The following NKAIN2 variants were observed in gnomAD, a reference collection of about 807,000 sequenced individuals.
NKAIN2 encodes the protein sodium/potassium-transporting ATPase subunit beta-1-interacting protein 2.
A neutral mutation model predicts 32.6 loss-of-function variants in NKAIN2; 14 were observed. That is an observed-to-expected ratio of 0.43 (90% confidence interval 0.28 to 0.67). The LOEUF (loss-of-function observed/expected upper bound fraction) is 0.67. NKAIN2 is among the 30% of genes least tolerant of loss of function. The probability of loss-of-function intolerance (pLI) is 0.17; values close to 1 mark genes in which losing one functional copy is unlikely to be tolerated. For synonymous variants in NKAIN2, 80 were observed against 87.2 expected (o/e 0.92, Z 0.46); for missense variants, 198 against 258.3 (o/e 0.77, Z 1.60).
intron 3 of NKAIN2, among the ~76,000 whole-genome samples, chr6:124,379,145 G>GA (rs1800129117): frequency 2.8e-5 from 1 of 35,390 alleles, no homozygotes; most frequent in East Asian, 9.6e-4. Context: ...GGGGAGGGGA[G>GA]GGAGGGAGGG....
chr6:124,028,868 CATATATGTATATATATGTGTATAT>C (rs1562317333), intron 1 of NKAIN2, among the ~76,000 whole-genome samples: 2 of 34,976 alleles, frequency 5.7e-5, no homozygotes, highest in African/African-American at 1.8e-4. Context: ...TATATATACA[CATATATGTATATATATGTGTATAT>C]ATATATATAT....
chr6:124,123,335 GACA>G (rs1382042806), intron 1 of NKAIN2, among the ~76,000 whole-genome samples: 1 of 152,018 alleles, frequency 6.6e-6, no homozygotes, highest in African/African-American at 2.4e-5. Context: ...AGGAGCTTAG[GACA>G]ACATGATTAC....
At chr6:124,352,532 C>T (rs554568230) in intron 2 of NKAIN2, among the ~76,000 whole-genome samples, 16 of 152,216 alleles carry the variant, frequency 1.1e-4, no homozygotes, top group African/African-American at 2.6e-4. Flanking sequence ...TGCTTGCCGA[C>T]GACAAATTTT....
chr6:124,395,953 T>C (rs1773359356), intron 3 of NKAIN2, among the ~76,000 whole-genome samples: 1 of 152,160 alleles, frequency 6.6e-6, no homozygotes, highest in South Asian at 2.1e-4. Flanking sequence ...ACTTATTGAG[T>C]GACCACTGTG....
At chr6:123,928,188 G>A (rs1776094317) in intron 1 of NKAIN2, among the ~76,000 whole-genome samples, 2 of 152,108 alleles carry the variant, frequency 1.3e-5, no homozygotes, top group Admixed American at 6.6e-5. Context: ...CTTACCAGTG[G>A]GAGCTAAACA....
At chr6:124,101,863 A>G (rs1468030498) in intron 1 of NKAIN2, among the ~76,000 whole-genome samples, 3 of 152,180 alleles carry the variant, frequency 2.0e-5, no homozygotes, top group Non-Finnish European at 2.9e-5. Flanking sequence ...GGAATGAAGG[A>G]AAATGATGTG....
At chr6:124,405,314 A>C (rs114061700) in intron 3 of NKAIN2, among the ~76,000 whole-genome samples, 8 of 152,176 alleles carry the variant, frequency 5.3e-5, no homozygotes, top group African/African-American at 1.9e-4. Context: ...TTTTGCAGAA[A>C]ATTTGTGGAT....
intron 3 of NKAIN2, among the ~76,000 whole-genome samples, chr6:124,552,385 G>A (rs1583427884): frequency 6.6e-6 from 1 of 152,310 alleles, no homozygotes; most frequent in East Asian, 1.9e-4. Context: ...CATCTCTCTG[G>A]CATCCAAAGT....
At chr6:124,653,717 A>G (rs1220677772) in intron 3 of NKAIN2, among the ~76,000 whole-genome samples, 1 of 152,166 alleles carries the variant, frequency 6.6e-6, no homozygotes, top group East Asian at 1.9e-4. Context: ...ATGAAAAGAC[A>G]AGCCATAGAC....
chr6:124,257,416 A>G (rs1337898661), intron 1 of NKAIN2, among the ~76,000 whole-genome samples: 1 of 152,066 alleles, frequency 6.6e-6, no homozygotes, highest in South Asian at 2.1e-4. Context: ...TCATCTTTCA[A>G]CTCACCCAGA....
intron 1 of NKAIN2, among the ~76,000 whole-genome samples, chr6:124,212,641 C>T (rs1358819488): frequency 6.6e-6 from 1 of 152,056 alleles, no homozygotes; most frequent in Non-Finnish European, 1.5e-5. Flanking sequence ...AAAACTTTGT[C>T]ATATTTTTAA....
At chr6:124,398,252 CAAAAAAAAAAAAAAAAA>C (rs869039720) in intron 3 of NKAIN2, among the ~76,000 whole-genome samples, 1 of 69,092 alleles carries the variant, frequency 1.4e-5, no homozygotes, top group Non-Finnish European at 2.5e-5. Flanking sequence ...GACTGCATCT[CAAAAAAAAAAAAAAAAA>C]AAAAAAAAAA....
intron 4 of NKAIN2, among the ~76,000 whole-genome samples, chr6:124,711,310 T>TGGAGTTG (rs1562338487): frequency 7.3e-4 from 4 of 5,492 alleles, no homozygotes; most frequent in Non-Finnish European, 3.6e-3. Context: ...TTATGTGTCT[T>TGGAGTTG]CTCGAGGAGT....
intron 1 of NKAIN2, among the ~76,000 whole-genome samples, chr6:124,229,461 C>A (rs1315005279): frequency 6.6e-6 from 1 of 151,478 alleles, no homozygotes; most frequent in East Asian, 1.9e-4. Context: ...ATTATGTTCA[C>A]ATATTTCCAA....
intron 3 of NKAIN2, among the ~76,000 whole-genome samples, chr6:124,399,195 G>A (rs1156525732): frequency 1.3e-5 from 2 of 152,178 alleles, no homozygotes; most frequent in African/African-American, 2.4e-5. Context: ...CCAAAATGCT[G>A]TGATTACAAG....
intron 3 of NKAIN2, among the ~76,000 whole-genome samples, chr6:124,596,405 A>G (rs997875215): frequency 2.6e-5 from 4 of 152,170 alleles, no homozygotes; most frequent in Admixed American, 1.3e-4. Context: ...CAGGGCCGCC[A>G]ACTCTAGATG....
At chr6:124,233,300 T>A (rs1792559449) in intron 1 of NKAIN2, among the ~76,000 whole-genome samples, 1 of 152,198 alleles carries the variant, frequency 6.6e-6, no homozygotes, top group South Asian at 2.1e-4. Flanking sequence ...ATAATTATAT[T>A]CTATCATAAC....
chr6:124,235,456 G>C (rs1289067953), intron 1 of NKAIN2, among the ~76,000 whole-genome samples: 2 of 152,084 alleles, frequency 1.3e-5, no homozygotes, highest in Non-Finnish European at 2.9e-5. Flanking sequence ...CATTATGAAA[G>C]TAAGATTATA....
Position 124,513,147 on chromosome 6 carries a change from ATAT to A in NKAIN2, c.274-145035_274-145033del, listed in dbSNP as rs374246929. Among the ~76,000 whole-genome samples, 81 of 152,294 alleles carry A rather than the reference ATAT, an allele frequency of 5.3e-4. 1 individual carries two copies. The highest frequency in any genetic ancestry group is 1.9e-3 in the African/African-American group (81 of 41,562). On this transcript the variant is annotated intron_variant, in intron 3 of 6. Coordinates refer to ENST00000368417, the MANE Select transcript of NKAIN2 (RefSeq NM_001040214.3). ...GGACTCCTTTTCATCAACAACCAAA[ATAT>A]TATGAAAAACATTAAACTAAAATAA...
Sources: allele counts gnomAD v4.1 joint callset (sites outside exome capture counted in the v4.1 genomes callset), GRCh38; gene constraint gnomAD v4.1.1; transcripts MANE v1.5; gene names NCBI Gene and HGNC (gene_info 2026-07-23, HGNC 2026-07-21).